DIP2C: variants seen among roughly 807,000 people sequenced by gnomAD.
DIP2C encodes the protein disco-interacting protein 2 homolog C.
Under a neutral mutation model 192.4 loss-of-function variants are expected in DIP2C, and 33 were observed. The ratio of observed to expected loss-of-function variants is 0.17; its 90% CI spans 0.13 to 0.23. The LOEUF is 0.23. Ranked by LOEUF, DIP2C falls within the 10% of genes least tolerant of loss-of-function variation. DIP2C has a pLI of 1.00. For synonymous variants in DIP2C, 979 were observed against 864.1 expected (o/e 1.13, Z -2.33); for missense variants, 1,537 against 2,110.1 (o/e 0.73, Z 5.32).
chr10:599,856 T>TG lies in DIP2C; in HGVS notation c.85+89637dup, dbSNP rs1176326393. ...TCCTCCATGCACTGAGGATGCACTG[T>TG]GGGGGACAGTGCTGCCGCCGCCTCC... On this transcript the variant is annotated intron_variant, in intron 1 of 36. Transcript: ENST00000280886. 1.5e-4 allele frequency among the ~76,000 whole-genome samples: 23 copies of TG among 152,300 alleles called. No homozygotes were observed. In the East Asian group the frequency reaches 4.3e-3, roughly 28 times the overall value.
intron 4 of DIP2C, among the ~76,000 whole-genome samples, chr10:432,323 C>G (rs1214468780): frequency 6.6e-6 from 1 of 152,184 alleles, no homozygotes; most frequent in Non-Finnish European, 1.5e-5. Context: ...CTGGGCCTGG[C>G]ACTTCCTGTT....
intron 3 of DIP2C, among the ~76,000 whole-genome samples, chr10:457,045 C>A (rs1251322558): frequency 6.6e-6 from 1 of 152,186 alleles, no homozygotes; most frequent in East Asian, 1.9e-4. Flanking sequence ...TCTCTGCTCA[C>A]ATATCCACCT....
intron 31 of DIP2C, among the ~76,000 whole-genome samples, chr10:325,441 A>G (rs985399718): frequency 2.0e-5 from 3 of 152,294 alleles, no homozygotes; most frequent in African/African-American, 7.2e-5. Flanking sequence ...CTCTCCCTTC[A>G]GCGCCACCTT....
intron 22 of DIP2C, among the ~76,000 whole-genome samples, chr10:359,140 G>C (rs1181157997): frequency 6.6e-6 from 1 of 152,106 alleles, no homozygotes; most frequent in Non-Finnish European, 1.5e-5. Flanking sequence ...CAAGGCTTCG[G>C]ATGAGCCCAT....
intron 3 of DIP2C, among the ~76,000 whole-genome samples, chr10:450,330 T>G (rs1968752700): frequency 6.6e-6 from 1 of 151,960 alleles, no homozygotes; most frequent in Admixed American, 6.6e-5. Context: ...CGTAGACATT[T>G]GGCACTTGTC....
intron 29 of DIP2C, chr10:340,965 GACGGCTCTC>G: frequency 1.6e-6 from 1 of 644,420 alleles, no homozygotes; most frequent in Non-Finnish European, 2.9e-6. Context: ...GTCCGCAACA[GACGGCTCTC>G]CAAAATGCTC....
chr10:348,016 A>C (rs1328210643), intron 26 of DIP2C, among the ~76,000 whole-genome samples: 1 of 151,526 alleles, frequency 6.6e-6, no homozygotes, highest in Admixed American at 6.6e-5. Flanking sequence ...CGGAAACCCC[A>C]GACGCGTCGC....
intron 2 of DIP2C, among the ~76,000 whole-genome samples, chr10:476,878 G>A (rs747768957): frequency 6.6e-5 from 10 of 151,828 alleles, no homozygotes; most frequent in Non-Finnish European, 1.0e-4. Flanking sequence ...TATCAAGGTC[G>A]CCCGAAAGGG....
intron 2 of DIP2C, among the ~76,000 whole-genome samples, chr10:477,179 A>C (rs943476473): frequency 3.5e-5 from 5 of 142,254 alleles, no homozygotes; most frequent in African/African-American, 1.4e-4. Flanking sequence ...CAGGCTTAGC[A>C]AAGTCAGCAA....
At chr10:646,197 G>A (rs1354995639) in intron 1 of DIP2C, among the ~76,000 whole-genome samples, 1 of 152,170 alleles carries the variant, frequency 6.6e-6, no homozygotes, top group Non-Finnish European at 1.5e-5. Context: ...GTGGTGCAGA[G>A]CTGACGACAG....
chr10:421,740 G>GT (rs1210652764), intron 5 of DIP2C, among the ~76,000 whole-genome samples: 12 of 152,226 alleles, frequency 7.9e-5, no homozygotes, highest in African/African-American at 2.9e-4. Context: ...AAAAAGAAAT[G>GT]GTTTTTTTCA....
chr10:449,308 C>G (rs956223913), intron 3 of DIP2C, among the ~76,000 whole-genome samples: 1 of 152,278 alleles, frequency 6.6e-6, no homozygotes, highest in South Asian at 2.1e-4. Flanking sequence ...CCTCCCCATA[C>G]AAAGGCAAGA....
chr10:386,154 G>A (rs1589673703), intron 14 of DIP2C, among the ~76,000 whole-genome samples: 1 of 152,202 alleles, frequency 6.6e-6, no homozygotes, highest in East Asian at 1.9e-4. Context: ...AATGACGAGA[G>A]TGACTAACGG....
intron 1 of DIP2C, among the ~76,000 whole-genome samples, chr10:607,094 C>A (rs1852546436): frequency 6.6e-6 from 1 of 152,238 alleles, no homozygotes; most frequent in Non-Finnish European, 1.5e-5. Context: ...GCCTGCACGG[C>A]ACCCTGCTCA....
intron 3 of DIP2C, among the ~76,000 whole-genome samples, chr10:442,323 A>G (rs1053106694): frequency 6.6e-6 from 1 of 151,952 alleles, no homozygotes; most frequent in Non-Finnish European, 1.5e-5. Context: ...TCAGCTCATC[A>G]CACTGCTTGG....
chr10:645,901 G>A (rs573884959), intron 1 of DIP2C, among the ~76,000 whole-genome samples: 17 of 152,198 alleles, frequency 1.1e-4, no homozygotes, highest in East Asian at 3.9e-4. Flanking sequence ...AAAATGCTGC[G>A]TCCCCCGACC....
intron 1 of DIP2C, among the ~76,000 whole-genome samples, chr10:539,607 C>G (rs1000108470): frequency 1.3e-5 from 2 of 152,188 alleles, no homozygotes. Flanking sequence ...TGTACTAAAT[C>G]TAATCTTTTG....
At chr10:402,048 C>A (rs1187836083) in intron 9 of DIP2C, among the ~76,000 whole-genome samples, 1 of 79,104 alleles carries the variant, frequency 1.3e-5, no homozygotes, top group Admixed American at 1.4e-4. Flanking sequence ...ATGTGTTCAT[C>A]AGCACATGAA....
chr10:386,803 T>C (rs1962972074), intron 14 of DIP2C, among the ~76,000 whole-genome samples: 1 of 152,156 alleles, frequency 6.6e-6, no homozygotes, highest in African/African-American at 2.4e-5. Context: ...GCGTAAGAAA[T>C]TATTCAAAAG....
Sources: allele counts gnomAD v4.1 joint callset (sites outside exome capture counted in the v4.1 genomes callset), GRCh38; gene constraint gnomAD v4.1.1; transcripts MANE v1.5; gene names NCBI Gene and HGNC (gene_info 2026-07-23, HGNC 2026-07-21).